The following NXPH1 variants were observed in gnomAD, a reference collection of about 807,000 sequenced individuals.
NXPH1 encodes the protein neurexophilin-1.
A neutral mutation model predicts 23.7 loss-of-function variants in NXPH1; 5 were observed. The observed-to-expected ratio is 0.21, with a 90% CI of 0.11 to 0.44. The LOEUF is 0.44. Among genes scored for constraint, NXPH1 ranks in the 20% least tolerant of loss-of-function variants. NXPH1 has a pLI of 0.99. For missense variants in NXPH1, 324 were observed against 321.6 expected, an observed-to-expected ratio of 1.01 and a Z score of -0.06; for synonymous variants, 144 against 122.2, an observed-to-expected ratio of 1.18 and a Z score of -1.18.
chr7:8,582,556 G>A (rs1046657910), intron 2 of NXPH1, among the ~76,000 whole-genome samples: 4 of 152,088 alleles, frequency 2.6e-5, no homozygotes, highest in African/African-American at 9.7e-5. Flanking sequence ...CTCTGCAGTG[G>A]GTAGCTCCTT....
At chr7:8,444,164 T>C (rs1476420207) in intron 2 of NXPH1, among the ~76,000 whole-genome samples, 1 of 152,244 alleles carries the variant, frequency 6.6e-6, no homozygotes, top group Non-Finnish European at 1.5e-5. Flanking sequence ...GTCAATCCTT[T>C]TCTTGTCACC....
intron 2 of NXPH1, among the ~76,000 whole-genome samples, chr7:8,559,610 C>A (rs17151243): frequency 0.059 from 8,963 of 151,732 alleles, 862 homozygotes; most frequent in African/African-American, 0.2. Context: ...GGTACATGAG[C>A]TTTTTTCCTC....
chr7:8,744,858 C>T (rs1642354448), intron 2 of NXPH1, among the ~76,000 whole-genome samples: 2 of 152,290 alleles, frequency 1.3e-5, no homozygotes, highest in South Asian at 4.1e-4. Context: ...ATTTCTTCCT[C>T]TTTTTCTCTG....
chr7:8,453,299 C>G (rs1241321316), intron 2 of NXPH1, among the ~76,000 whole-genome samples: 1 of 152,098 alleles, frequency 6.6e-6, no homozygotes, highest in Non-Finnish European at 1.5e-5. Context: ...CACCGAACAT[C>G]TGAAAATCAT....
At chr7:8,701,908 T>C (rs1779629035) in intron 2 of NXPH1, among the ~76,000 whole-genome samples, 1 of 152,088 alleles carries the variant, frequency 6.6e-6, no homozygotes, top group Non-Finnish European at 1.5e-5. Context: ...TAAAAGTCTC[T>C]GATAAGCATC....
intron 2 of NXPH1, among the ~76,000 whole-genome samples, chr7:8,601,903 TA>T: frequency 6.6e-6 from 1 of 152,320 alleles, no homozygotes; most frequent in African/African-American, 2.4e-5. Flanking sequence ...TCAGTTACAA[TA>T]AAAGTCCAGA....
intron 2 of NXPH1, among the ~76,000 whole-genome samples, chr7:8,478,348 C>T (rs1390240131): frequency 6.6e-6 from 1 of 151,728 alleles, no homozygotes; most frequent in East Asian, 1.9e-4. Flanking sequence ...AATAAAAATA[C>T]CCAGCAATGA....
chr7:8,590,428 A>C (rs1819067915), intron 2 of NXPH1, among the ~76,000 whole-genome samples: 1 of 152,028 alleles, frequency 6.6e-6, no homozygotes, highest in Non-Finnish European at 1.5e-5. Flanking sequence ...ATGTTGCTTC[A>C]TTTCTCCAAG....
At chr7:8,504,465 A>G (rs1464515137) in intron 2 of NXPH1, among the ~76,000 whole-genome samples, 1 of 152,070 alleles carries the variant, frequency 6.6e-6, no homozygotes, top group East Asian at 1.9e-4. Context: ...TTACTTAGAA[A>G]AAATGTAGAA....
chr7:8,604,744 A>G (rs1002018441), intron 2 of NXPH1, among the ~76,000 whole-genome samples: 1 of 152,154 alleles, frequency 6.6e-6, no homozygotes, highest in Non-Finnish European at 1.5e-5. Flanking sequence ...GTACTAGACT[A>G]CTAGTGGCAA....
intron 2 of NXPH1, among the ~76,000 whole-genome samples, chr7:8,673,509 G>A (rs571926976): frequency 1.1e-3 from 160 of 152,254 alleles, no homozygotes; most frequent in Non-Finnish European, 2.0e-3. Flanking sequence ...CAAAGAGGCT[G>A]TGTGGCATTA....
chr7:8,512,701 T>G (rs1265650104), intron 2 of NXPH1, among the ~76,000 whole-genome samples: 1 of 152,156 alleles, frequency 6.6e-6, no homozygotes, highest in Non-Finnish European at 1.5e-5. Context: ...ATAGTATTTC[T>G]TACTAACGGT....
intron 2 of NXPH1, among the ~76,000 whole-genome samples, chr7:8,603,390 A>T (rs1445900267): frequency 2.0e-5 from 3 of 152,094 alleles, no homozygotes; most frequent in African/African-American, 4.8e-5. Context: ...CACCTTTTTA[A>T]ACGTTATTGT....
intron 2 of NXPH1, among the ~76,000 whole-genome samples, chr7:8,461,293 A>AT (rs1258922137): frequency 1.1e-4 from 16 of 152,046 alleles, no homozygotes; most frequent in South Asian, 8.3e-4. Context: ...TCCAGGTTGT[A>AT]TTTTTTTTCC....
chr7:8,670,009 C>T (rs1440210559), intron 2 of NXPH1, among the ~76,000 whole-genome samples: 1 of 152,166 alleles, frequency 6.6e-6, no homozygotes, highest in Non-Finnish European at 1.5e-5. Flanking sequence ...GAACCCCAGT[C>T]TTCAGTTGTT....
chr7:8,579,354 G>GT (rs1382513508), intron 2 of NXPH1, among the ~76,000 whole-genome samples: 38 of 123,920 alleles, frequency 3.1e-4, no homozygotes, highest in Non-Finnish European at 4.6e-4. Context: ...TGGAATTCAA[G>GT]TTTTTTTTGT....
chr7:8,666,324 G>A (rs183469436), intron 2 of NXPH1, among the ~76,000 whole-genome samples: 1 of 151,904 alleles, frequency 6.6e-6, no homozygotes, highest in Non-Finnish European at 1.5e-5. Context: ...CTTTCATTCC[G>A]ATAATGTGGT....
chr7:8,491,438 A>G (rs1817246336), intron 2 of NXPH1, among the ~76,000 whole-genome samples: 1 of 152,058 alleles, frequency 6.6e-6, no homozygotes, highest in Admixed American at 6.6e-5. Context: ...GGAAATCAAG[A>G]CAGTAAGGTT....
chr7:8,718,499 C>A (rs994937583), intron 2 of NXPH1, among the ~76,000 whole-genome samples: 8 of 152,150 alleles, frequency 5.3e-5, no homozygotes, highest in African/African-American at 1.9e-4. Flanking sequence ...GTTTAATCCC[C>A]TGTTGAAAAG....
Sources: allele counts gnomAD v4.1 joint callset (sites outside exome capture counted in the v4.1 genomes callset), GRCh38; gene constraint gnomAD v4.1.1; transcripts MANE v1.5; gene names NCBI Gene and HGNC (gene_info 2026-07-23, HGNC 2026-07-21).